PELI2: variants seen among roughly 807,000 people sequenced by gnomAD.
PELI2 encodes the protein pellino E3 ubiquitin protein ligase family member 2, also known as E3 ubiquitin-protein ligase pellino homolog 2.
PELI2 carries 23 observed loss-of-function variants against 42.3 expected under a neutral mutation model. The observed-to-expected ratio is 0.54, with a 90% CI of 0.39 to 0.77. The LOEUF (loss-of-function observed/expected upper bound fraction) is 0.77, where lower values mean the gene tolerates loss of function less well. PELI2 is among the 30% of genes least tolerant of loss of function. The pLI is 0.00. For missense variants in PELI2, 463 were observed against 553.2 expected, an observed-to-expected ratio of 0.84 and a Z score of 1.64; for synonymous variants, 245 against 212.2, an observed-to-expected ratio of 1.15 and a Z score of -1.34.
At position 56,247,372 on chromosome 14, in the gene PELI2, C is replaced by A. The variant is rs374689362; in HGVS notation, c.208-32304C>A. Among the ~76,000 whole-genome samples, 22 of 152,272 alleles carry A rather than the reference C, an allele frequency of 1.4e-4. 1 individual carries two copies. The highest frequency in any genetic ancestry group is 8.5e-4 in the Admixed American group (13 of 15,296). On this transcript the variant is annotated intron_variant, in intron 2 of 5. Coordinates refer to ENST00000267460, the MANE Select transcript of PELI2 (RefSeq NM_021255.3). Reference sequence around the variant, plus strand: ...CTTAATTTATTTAGCTGTCCCCTTACGGATGGATGTTTAGGTTGTCTGCAT... The same window carrying A: ...CTTAATTTATTTAGCTGTCCCCTTAAGGATGGATGTTTAGGTTGTCTGCAT...
chr14:56,244,350 T>C (rs542149702), intron 2 of PELI2, among the ~76,000 whole-genome samples: 2 of 152,382 alleles, frequency 1.3e-5, no homozygotes, highest in South Asian at 4.1e-4. Context: ...CAGTCATGCA[T>C]GAATGAATAT....
chr14:56,173,214 T>G (rs754358872), intron 1 of PELI2, among the ~76,000 whole-genome samples: 71 of 152,240 alleles, frequency 4.7e-4, no homozygotes, highest in Middle Eastern at 3.4e-3. Flanking sequence ...GTTGTTCCCT[T>G]TATCCCTCAC....
intron 1 of PELI2, among the ~76,000 whole-genome samples, chr14:56,159,391 C>A (rs1884676294): frequency 6.6e-6 from 1 of 152,210 alleles, no homozygotes; most frequent in Non-Finnish European, 1.5e-5. Flanking sequence ...AACTGCCAGG[C>A]ACATTTCATG....
chr14:56,278,322 A>G (rs973952682), intron 2 of PELI2, among the ~76,000 whole-genome samples: 7 of 152,194 alleles, frequency 4.6e-5, no homozygotes, highest in African/African-American at 1.7e-4. Context: ...GATTTGATAT[A>G]TATACACATT....
chr14:56,144,562 G>T (rs192092955), intron 1 of PELI2, among the ~76,000 whole-genome samples: 46 of 152,320 alleles, frequency 3.0e-4, no homozygotes, highest in African/African-American at 1.1e-3. Context: ...GCAGATTAGT[G>T]TTCGAATAAC....
chr14:56,283,678 C>CATT (rs1889556456), intron 3 of PELI2, among the ~76,000 whole-genome samples: 1 of 152,142 alleles, frequency 6.6e-6, no homozygotes, highest in Non-Finnish European at 1.5e-5. Context: ...AGAGAAGAGG[C>CATT]ATTAGGGGCA....
At chr14:56,295,701 A>C (rs1206129779) in intron 5 of PELI2, among the ~76,000 whole-genome samples, 4 of 152,200 alleles carry the variant, frequency 2.6e-5, no homozygotes, top group South Asian at 4.1e-4. Context: ...AGGCACGAGG[A>C]GTTTAAGTAA....
intron 2 of PELI2, among the ~76,000 whole-genome samples, chr14:56,223,973 G>C (rs1366526948): frequency 6.6e-6 from 1 of 152,124 alleles, no homozygotes. Flanking sequence ...ATGTACTTTA[G>C]AGTGTATTTC....
At chr14:56,154,577 C>A (rs923634697) in intron 1 of PELI2, among the ~76,000 whole-genome samples, 1 of 152,224 alleles carries the variant, frequency 6.6e-6, no homozygotes, top group Non-Finnish European at 1.5e-5. Flanking sequence ...CCTAGCCATG[C>A]GGAACTGAGT....
intron 1 of PELI2, among the ~76,000 whole-genome samples, chr14:56,132,722 TC>T: frequency 6.6e-6 from 1 of 152,326 alleles, no homozygotes; most frequent in Admixed American, 6.5e-5. Context: ...TGACTGTTTC[TC>T]TGATCTAATT....
intron 2 of PELI2, among the ~76,000 whole-genome samples, chr14:56,278,522 A>T (rs913742941): frequency 2.0e-5 from 3 of 152,160 alleles, no homozygotes; most frequent in Non-Finnish European, 4.4e-5. Flanking sequence ...TAGATTCCTG[A>T]CCATGTTAAA....
At chr14:56,252,821 A>G (rs1221617315) in intron 2 of PELI2, among the ~76,000 whole-genome samples, 1 of 152,212 alleles carries the variant, frequency 6.6e-6, no homozygotes, top group Non-Finnish European at 1.5e-5. Flanking sequence ...TATTCCGAAC[A>G]ATAGAAAAAG....
rs1890077021 is a variant in PELI2, at chr14:56,298,301, T to A, written c.*1135T>A. On this transcript the variant is annotated 3_prime_UTR_variant, in exon 6 of 6. Coordinates refer to ENST00000267460, the MANE Select transcript of PELI2 (RefSeq NM_021255.3). ...CCAAGTGGTACATCTGCAGAGATAATTCAAAATTCCTGCTTTTGAGAGAGC... is the reference window on the plus strand; with the variant it reads ...CCAAGTGGTACATCTGCAGAGATAAATCAAAATTCCTGCTTTTGAGAGAGC... 1 of 148,100 alleles carries A rather than the reference T, an allele frequency of 6.8e-6. No homozygotes were observed. Among genetic ancestry groups the A allele is most frequent in the African/African-American group, 2.5e-5 (1 of 39,222 alleles). 9.2% of individuals were successfully genotyped at this position (148,100 alleles called of 1,614,324 possible).
intron 1 of PELI2, among the ~76,000 whole-genome samples, chr14:56,129,944 G>A (rs1032227433): frequency 3.3e-5 from 5 of 152,170 alleles, no homozygotes; most frequent in African/African-American, 1.2e-4. Context: ...GCCTGGTCGT[G>A]TTCCCATCTC....
intron 2 of PELI2, among the ~76,000 whole-genome samples, chr14:56,190,277 T>C (rs1885912281): frequency 6.6e-6 from 1 of 152,224 alleles, no homozygotes; most frequent in Non-Finnish European, 1.5e-5. Context: ...TAAAATAGCA[T>C]TGATAATTAA....
rs969639023 is a variant in PELI2, at chr14:56,219,275, G to A, written c.207+40811G>A. Among the ~76,000 whole-genome samples the A allele has an allele frequency of 7.2e-5, 11 of 152,030 alleles. No individual in the cohort carries two copies. The highest frequency in any genetic ancestry group is 4.1e-4 in the South Asian group (2 of 4,830). On this transcript the variant is annotated intron_variant, in intron 2 of 5. Transcript: ENST00000267460. This position sits in a 1 kb window ranked among gnomAD's most constrained non-coding sequence, Gnocchi z 4.1. ...GAAGACAGAAGGAAGAAGCTCCCCC[G>A]TACAGAGACAGATGGGGGCTCCAAA...
chr14:56,269,750 C>T (rs1291100429), intron 2 of PELI2, among the ~76,000 whole-genome samples: 1 of 152,114 alleles, frequency 6.6e-6, no homozygotes, highest in Non-Finnish European at 1.5e-5. Flanking sequence ...CAGTACACTG[C>T]TGGAATTGAA....
At chr14:56,188,513 C>G (rs1184855926) in intron 2 of PELI2, among the ~76,000 whole-genome samples, 2 of 152,112 alleles carry the variant, frequency 1.3e-5, no homozygotes, top group African/African-American at 4.8e-5. Flanking sequence ...GGTTTTTAGC[C>G]ACTGCATAGT....
At chr14:56,200,251 T>C (rs1886286483) in intron 2 of PELI2, among the ~76,000 whole-genome samples, 1 of 152,296 alleles carries the variant, frequency 6.6e-6, no homozygotes, top group African/African-American at 2.4e-5. Flanking sequence ...GCTTATTCTG[T>C]GTCATACAGG....
Sources: allele counts gnomAD v4.1 joint callset (sites outside exome capture counted in the v4.1 genomes callset), GRCh38; gene constraint gnomAD v4.1.1; non-coding constraint Gnocchi (gnomAD v3.1); transcripts MANE v1.5; gene names NCBI Gene and HGNC (gene_info 2026-07-23, HGNC 2026-07-21).